Variants in CCDC174 observed in about 807,000 individuals in gnomAD.
CCDC174 encodes the protein coiled-coil domain containing 174, also known as coiled-coil domain-containing protein 174.
A neutral mutation model predicts 57.1 loss-of-function variants in CCDC174; 37 were observed. The ratio of observed to expected loss-of-function variants is 0.65; its 90% CI spans 0.50 to 0.85. The LOEUF is 0.85. Among genes scored for constraint, CCDC174 ranks in the 40% least tolerant of loss-of-function variants. The pLI, the probability that CCDC174 is intolerant of heterozygous loss-of-function variation, is 0.00. For synonymous variants in CCDC174, 182 were observed against 190.2 expected, an observed-to-expected ratio of 0.96 and a Z score of 0.35; for missense variants, 540 against 574.3, an observed-to-expected ratio of 0.94 and a Z score of 0.61.
At chr3:14,652,889 C>T (rs1488940677) in intron 1 of CCDC174, among the ~76,000 whole-genome samples, 2 of 130,162 alleles carry the variant, frequency 1.5e-5, no homozygotes, top group African/African-American at 3.1e-5. Context: ...GCAACAAGAG[C>T]GAAACTCCGT....
chr3:14,670,237 T>C (rs1328167532), intron 10 of CCDC174, 151 bp downstream of exon 10: 5 of 754,312 alleles, frequency 6.6e-6, no homozygotes, highest in Non-Finnish European at 1.1e-5. Context: ...GCCTTTAAAG[T>C]ATTATGAAAG....
At chr3:14,655,116 G>GA (rs1360863042) in intron 2 of CCDC174, among the ~76,000 whole-genome samples, 1 of 152,102 alleles carries the variant, frequency 6.6e-6, no homozygotes, top group African/African-American at 2.4e-5. Context: ...AGGAGTTCGA[G>GA]ACCCGCCTGA....
At position 14,668,163 on chromosome 3, in the gene CCDC174, A is replaced by T; in HGVS notation, c.934A>T (p.Thr312Ser). Reference sequence around the variant, plus strand: ...GATGAAAAAATCAAAAGAAGGTGGAACAGAAGAAGAAAATAGAGGTATATC... The same window carrying T: ...GATGAAAAAATCAAAAGAAGGTGGATCAGAAGAAGAAAATAGAGGTATATC... ...KKMKKSKEGGTEEENRDGDVI... is the reference protein window; with the variant it reads ...KKMKKSKEGGSEEENRDGDVI... The change falls in exon 9 of 11, where the codon ACA (threonine) becomes TCA (serine). Residue 312 changes from threonine (T) to serine (S), a missense_variant. By Grantham distance (58) the Thr-to-Ser change is moderately conservative. Transcript: ENST00000383794. 1 of 1,611,344 alleles carries T rather than the reference A, an allele frequency of 6.2e-7. No homozygotes were observed. Among genetic ancestry groups the T allele is most frequent in the Non-Finnish European group, 8.5e-7 (1 of 1,179,224 alleles).
intron 5 of CCDC174, among the ~76,000 whole-genome samples, chr3:14,664,055 A>G (rs912309017): frequency 1.7e-5 from 2 of 114,990 alleles, no homozygotes; most frequent in African/African-American, 7.0e-5. Context: ...ATTTGGGGGG[A>G]AAAAAAGGAA....
At chr3:14,655,424 T>C (rs1051685482) in intron 2 of CCDC174, 105 bp from the exon 3 acceptor site, 1 of 651,542 alleles carries the variant, frequency 1.5e-6, no homozygotes, top group Non-Finnish European at 2.7e-6. Flanking sequence ...CTCCATTGAT[T>C]CATAAGAACT....
chr3:14,658,811 G>T lies in CCDC174; in HGVS notation c.249-60G>T. 5.3e-6 allele frequency: 8 copies of T among 1,502,048 alleles called. No homozygotes were observed. The South Asian group carries it at 9.2e-5, about 17-fold the overall frequency. The allele number at this position is 1,502,048 out of a possible 1,614,324, so 93.0% of individuals were successfully genotyped here. ...GGTACCTGTCAGGCAGGGAGTGTGGGGGCAACCAGGATGAACAGTTATAAG... is the reference window on the plus strand; with the variant it reads ...GGTACCTGTCAGGCAGGGAGTGTGGTGGCAACCAGGATGAACAGTTATAAG... On this transcript the variant is annotated intron_variant, in intron 3 of 10. Coordinates refer to ENST00000383794, the MANE Select transcript of CCDC174 (RefSeq NM_016474.5).
intron 3 of CCDC174, 134 bp downstream of exon 3, chr3:14,655,763 C>T (rs915306376): frequency 2.2e-6 from 1 of 460,630 alleles, no homozygotes; most frequent in Non-Finnish European, 3.9e-6. Flanking sequence ...TCTAAGTACT[C>T]TAAAAATAAT....
intron 5 of CCDC174, 34 bp from the exon 6 acceptor site, chr3:14,664,994 A>C (rs753723978): frequency 6.6e-7 from 1 of 1,505,558 alleles, no homozygotes; most frequent in South Asian, 1.1e-5. Context: ...CATGTGTACA[A>C]GTCCTTCTTC....
In CCDC174 at chr3:14,671,214, T is replaced by C. The variant is rs17040093; in HGVS notation, c.*20T>C. 9.3e-4 allele frequency: 1,487 copies of C among 1,592,930 alleles called. 12 individuals are homozygous for C. The African/African-American group carries it at 0.017, about 18-fold the overall frequency. ...ACATGATCTTTCAAAGCACGCTGACTTGGGTTTGTACTTTGACAGTGCCTT... is the reference window on the plus strand; with the variant it reads ...ACATGATCTTTCAAAGCACGCTGACCTGGGTTTGTACTTTGACAGTGCCTT... On this transcript the variant is annotated 3_prime_UTR_variant, in exon 11 of 11. Transcript: ENST00000383794.
intron 9 of CCDC174, among the ~76,000 whole-genome samples, chr3:14,669,311 C>G (rs145078251): frequency 6.0e-4 from 91 of 152,332 alleles, no homozygotes; most frequent in African/African-American, 2.0e-3. Context: ...TGAAAACCAT[C>G]TGTTTAGTTT....
intron 5 of CCDC174, among the ~76,000 whole-genome samples, chr3:14,663,758 C>CT (rs1282913839): frequency 6.6e-6 from 1 of 152,128 alleles, no homozygotes; most frequent in Non-Finnish European, 1.5e-5. Context: ...GGTCTAATGT[C>CT]TTTTTAAAAA....
intron 5 of CCDC174, among the ~76,000 whole-genome samples, chr3:14,664,297 G>T (rs751377571): frequency 2.6e-4 from 39 of 152,176 alleles, no homozygotes; most frequent in Non-Finnish European, 5.0e-4. Flanking sequence ...CCTGCTAAAG[G>T]CTCTAGGAGG....
At chr3:14,655,674 C>G in intron 3 of CCDC174, 45 bp downstream of exon 3, 3 of 1,267,008 alleles carry the variant, frequency 2.4e-6, no homozygotes, top group Non-Finnish European at 3.3e-6. Context: ...TTGAGGCTAC[C>G]CAGGCAGAGA....
At chr3:14,664,997 C>T in intron 5 of CCDC174, 31 bp from the exon 6 acceptor site, 1 of 1,519,736 alleles carries the variant, frequency 6.6e-7, no homozygotes, top group Non-Finnish European at 9.1e-7. Context: ...GTGTACAAGT[C>T]CTTCTTCACA....
chr3:14,671,058 A>G lies in CCDC174; in HGVS notation c.1268A>G (p.Gln423Arg), dbSNP rs768310966. The change falls in exon 11 of 11, where the codon CAG becomes CGG. Residue 423 changes from glutamine (Q) to arginine (R), a missense_variant. Coordinates refer to ENST00000383794, the MANE Select transcript of CCDC174 (RefSeq NM_016474.5). ...RPGPAQSDPG[Q>R]CPDQSHGPSP... ...GGGCCAGCACAGAGTGACCCAGGGCAGTGCCCTGACCAGAGCCACGGACCT... is the reference window on the plus strand; with the variant it reads ...GGGCCAGCACAGAGTGACCCAGGGCGGTGCCCTGACCAGAGCCACGGACCT... 1 of 1,614,200 alleles carries G rather than the reference A, an allele frequency of 6.2e-7. No individual in the cohort carries two copies. Among genetic ancestry groups the G allele is most frequent in the Non-Finnish European group, 8.5e-7 (1 of 1,180,038 alleles).
intron 5 of CCDC174, among the ~76,000 whole-genome samples, chr3:14,662,175 G>A (rs1224346394): frequency 6.6e-6 from 1 of 152,184 alleles, no homozygotes; most frequent in Admixed American, 6.5e-5. Flanking sequence ...ACATTGTTTG[G>A]CACTGTGGTG....
chr3:14,667,140 G>C, intron 7 of CCDC174, 193 bp downstream of exon 7: 1 of 629,360 alleles, frequency 1.6e-6, no homozygotes, highest in Non-Finnish European at 2.7e-6. Context: ...TCCTGACAGA[G>C]GGTCTGGTAA....
intron 3 of CCDC174, 96 bp from the exon 4 acceptor site, chr3:14,658,775 C>T: frequency 1.5e-6 from 2 of 1,338,624 alleles, no homozygotes; most frequent in Non-Finnish European, 2.0e-6. Context: ...GGCTGGGCCT[C>T]ATGGGCAGAT....
chr3:14,655,164 A>G (rs900434481), intron 2 of CCDC174, among the ~76,000 whole-genome samples: 6 of 152,220 alleles, frequency 3.9e-5, no homozygotes, highest in Non-Finnish European at 8.8e-5. Flanking sequence ...AAAAAAAATT[A>G]GTCAGGCATG....
Sources: allele counts gnomAD v4.1 joint callset (sites outside exome capture counted in the v4.1 genomes callset), GRCh38; gene constraint gnomAD v4.1.1; transcripts MANE v1.5; gene names NCBI Gene and HGNC (gene_info 2026-07-23, HGNC 2026-07-21).